The following SLC25A41 variants were observed in gnomAD, a reference collection of about 807,000 sequenced individuals.
SLC25A41 encodes the protein mitochondrial carrier protein SCaMC-3L.
Under a neutral mutation model 34.7 loss-of-function variants are expected in SLC25A41, and 35 were observed. The ratio of observed to expected loss-of-function variants is 1.01; its 90% CI spans 0.77 to 1.34. SLC25A41 has a LOEUF of 1.34. SLC25A41 is among the 40% of genes most tolerant of loss of function. The pLI, the probability that SLC25A41 is intolerant of heterozygous loss-of-function variation, is 0.00. For synonymous variants in SLC25A41, 190 were observed against 209.9 expected (o/e 0.91, Z 0.82); for missense variants, 492 against 489.8 (o/e 1.00, Z -0.04).
chr19:6,433,652 C>T lies in SLC25A41; in HGVS notation c.42G>A (p.Arg14=), dbSNP rs765239168. The T allele has an allele frequency of 1.3e-6, 2 of 1,594,492 alleles. No homozygotes were observed. Among genetic ancestry groups the T allele is most frequent in the Non-Finnish European group, 1.7e-6 (2 of 1,167,116 alleles). ...QPGEPQNTCS[R]IQTLFRRVKT... is the part of the protein sequence containing the mutation. The stretch of plus-strand genomic sequence containing the variant: ...TGACCCTCCTAAACAGTGTCTGGAT[C>T]CTAGAGCAAGTGTTCTGAGGTTCCC... Residue 14 remains arginine (R), a synonymous_variant, in exon 1 of 7, where the codon AGG becomes AGA. Transcript: ENST00000321510.
chr19:6,435,434 T>TGACCATCCCGGCTAAAACGGTGAAACCC (rs2092305395), upstream of SLC25A41, among the ~76,000 whole-genome samples: 1 of 151,418 alleles, frequency 6.6e-6, no homozygotes, highest in African/African-American at 2.4e-5. Context: ...TTAAAAATTA[T>TGACCATCCCGGCTAAAACGGTGAAACCC]TTTTGGCTGG....
chr19:6,427,322 C>T lies in SLC25A41; in HGVS notation c.792+12G>A, dbSNP rs977810974. 1 of 1,605,726 alleles carries T rather than the reference C, an allele frequency of 6.2e-7. No individual in the cohort carries two copies. Among genetic ancestry groups the T allele is most frequent in the Non-Finnish European group, 8.5e-7 (1 of 1,175,006 alleles). On this transcript the variant is annotated intron_variant, in intron 5 of 6. Coordinates refer to ENST00000321510, the MANE Select transcript of SLC25A41 (RefSeq NM_173637.4). This position sits in a 1 kb window ranked among gnomAD's most constrained non-coding sequence, Gnocchi z 4.9. ...CCGGCCAGCCCTGCCACCCCCTCTGCAGGACCCATACCTCATAGACAGCCA... is the reference window on the plus strand; with the variant it reads ...CCGGCCAGCCCTGCCACCCCCTCTGTAGGACCCATACCTCATAGACAGCCA...
At chr19:6,432,588 T>C (rs1280958253) in intron 1 of SLC25A41, among the ~76,000 whole-genome samples, 3 of 148,450 alleles carry the variant, frequency 2.0e-5, no homozygotes, top group Non-Finnish European at 3.0e-5. Flanking sequence ...GGTTTTTTTT[T>C]GTTTTGTTTT....
upstream of SLC25A41, chr19:6,436,042 C>CCAAA (rs752203336): frequency 4.8e-4 from 78 of 161,382 alleles, no homozygotes; most frequent in Non-Finnish European, 5.6e-4. Context: ...AAAACCGAAA[C>CCAAA]CAAACAAACA....
At position 6,427,606 on chromosome 19, in the gene SLC25A41, A is replaced by G; in HGVS notation, c.625-105T>C. ...ACAAACAAGGAAAATGAGGCTCAGG[A>G]AGGCAAAGAGCTGGGTTTCAGACCC... On this transcript the variant is annotated intron_variant, in intron 4 of 6. Transcript: ENST00000321510. This position sits in a 1 kb window ranked among gnomAD's most constrained non-coding sequence, Gnocchi z 4.9. The G allele has an allele frequency of 7.7e-7, 1 of 1,296,694 alleles. No homozygotes were observed. The highest frequency in any genetic ancestry group is 1.0e-6 in the Non-Finnish European group (1 of 982,340). 80.3% of individuals were successfully genotyped at this position (1,296,694 alleles called of 1,614,324 possible).
At chr19:6,432,589 G>A (rs538948067) in intron 1 of SLC25A41, among the ~76,000 whole-genome samples, 17 of 118,988 alleles carry the variant, frequency 1.4e-4, no homozygotes, top group African/African-American at 5.5e-4. Flanking sequence ...GTTTTTTTTT[G>A]TTTTGTTTTT....
chr19:6,433,405 G>C (rs1329908596), intron 1 of SLC25A41, 82 bp downstream of exon 1: 1 of 1,370,428 alleles, frequency 7.3e-7, no homozygotes, highest in Non-Finnish European at 1.0e-6. Flanking sequence ...AGGGGAGTGG[G>C]CCTGTAGAGG....
Position 6,427,505 on chromosome 19 carries a change from A to C in SLC25A41, c.625-4T>G, listed in dbSNP as rs2092249372. ...AGGTCAACCGCGTCTTCAGCACCTG[A>C]GGATGGCGGGGAACAAGGCAGCTCA... On this transcript the variant is annotated splice_polypyrimidine_tract_variant and splice_region_variant and intron_variant, in intron 4 of 6. Coordinates refer to ENST00000321510, the MANE Select transcript of SLC25A41 (RefSeq NM_173637.4). This position sits in a 1 kb window ranked among gnomAD's most constrained non-coding sequence, Gnocchi z 4.9. The C allele has an allele frequency of 6.6e-7, 1 of 1,519,428 alleles. No homozygotes were observed. Among genetic ancestry groups the C allele is most frequent in the Non-Finnish European group, 8.9e-7 (1 of 1,125,978 alleles). The allele number at this position is 1,519,428 out of a possible 1,614,324, so 94.1% of individuals were successfully genotyped here.
In SLC25A41 at chr19:6,427,444, A is replaced by T. The variant is rs1284224066; in HGVS notation, c.682T>A (p.Cys228Ser). The T allele has an allele frequency of 6.2e-7, 1 of 1,604,382 alleles. No homozygotes were observed. Among genetic ancestry groups the T allele is most frequent in the South Asian group, 1.1e-5 (1 of 89,956 alleles). The change falls in exon 5 of 7, where the codon TGC (cysteine) becomes AGC (serine). Residue 228 changes from cysteine (C) to serine (S), a missense_variant. Transcript: ENST00000321510. This position sits in a 1 kb window ranked among gnomAD's most constrained non-coding sequence, Gnocchi z 4.9. ...RTGQYKGLLD[C>S]ARQILQREGT... ...TCTCGCTGCAAGATCTGCCTGGCGCAGTCCAGCAGCCCCTTGTACTGGCCC... is the reference window on the plus strand; with the variant it reads ...TCTCGCTGCAAGATCTGCCTGGCGCTGTCCAGCAGCCCCTTGTACTGGCCC...
intron 1 of SLC25A41, 119 bp from the exon 2 acceptor site, chr19:6,432,323 T>A (rs1297393643): frequency 3.4e-6 from 4 of 1,171,368 alleles, no homozygotes; most frequent in African/African-American, 3.1e-5. Context: ...TCTGCATTTT[T>A]TTTTTTCGAG....
chr19:6,429,854 G>C, intron 3 of SLC25A41, 23 bp from the exon 4 acceptor site: 1 of 1,607,514 alleles, frequency 6.2e-7, no homozygotes, highest in East Asian at 2.2e-5. Flanking sequence ...AGAGGAGGGT[G>C]AGAGAGAAGT....
chr19:6,429,540 G>C (rs1400260737), intron 4 of SLC25A41, among the ~76,000 whole-genome samples, 184 bp downstream of exon 4: 1 of 146,844 alleles, frequency 6.8e-6, no homozygotes, highest in Admixed American at 6.8e-5. Flanking sequence ...GAGGAGGAAA[G>C]AGGAGGAGGG....
At position 6,427,526 on chromosome 19, in the gene SLC25A41, G is replaced by A; in HGVS notation, c.625-25C>T. 1 of 1,476,776 alleles carries A rather than the reference G, an allele frequency of 6.8e-7. No individual in the cohort carries two copies. Among genetic ancestry groups the A allele is most frequent in the South Asian group, 1.4e-5 (1 of 73,104 alleles). 91.5% of individuals were successfully genotyped at this position (1,476,776 alleles called of 1,614,324 possible). A position where few individuals can be genotyped will look rare whatever the true frequency, so the allele number is the denominator to read the frequency against. The stretch of plus-strand genomic sequence containing the variant: ...CCTGAGGATGGCGGGGAACAAGGCA[G>A]CTCATTTGATTGAATCCTGTCAATG... On this transcript the variant is annotated intron_variant, in intron 4 of 6. Transcript: ENST00000321510. The surrounding 1 kb of genome is among the most constrained non-coding windows in gnomAD (Gnocchi z 4.9).
upstream of SLC25A41, chr19:6,433,778 TTG>T (rs1166721705): frequency 9.4e-6 from 11 of 1,176,434 alleles, 1 homozygote; most frequent in African/African-American, 1.4e-4. Flanking sequence ...AGTGGGAGGA[TTG>T]TGTGGGGGAC....
chr19:6,429,782 C>T lies in SLC25A41; in HGVS notation c.566G>A (p.Arg189His), dbSNP rs778686022. Reference sequence around the variant, plus strand: ...CACAGCCAGGGAGCCAGCAAGGAGACGCTCCTGGAAGGGCGGGGACCCTTG... The same window carrying T: ...CACAGCCAGGGAGCCAGCAAGGAGATGCTCCTGGAAGGGCGGGGACCCTTG... ...GIQGSPPFQE[R>H]LLAGSLAVAI... The change falls in exon 4 of 7, where the codon CGT becomes CAT. Residue 189 changes from arginine (R) to histidine (H), a missense_variant. Transcript: ENST00000321510. 22 of 1,610,196 alleles carry T rather than the reference C, an allele frequency of 1.4e-5. No individual in the cohort carries two copies. The highest frequency in any genetic ancestry group is 6.7e-5 in the African/African-American group (5 of 74,586).
intron 2 of SLC25A41, among the ~76,000 whole-genome samples, chr19:6,431,315 C>A (rs545552992): frequency 4.5e-4 from 69 of 151,782 alleles, no homozygotes; most frequent in Non-Finnish European, 7.5e-4. Context: ...GTGGCATGAT[C>A]ATGGCTCACT....
intron 4 of SLC25A41, among the ~76,000 whole-genome samples, chr19:6,428,718 TATA>T (rs1568349109): frequency 5.1e-5 from 7 of 137,854 alleles, no homozygotes; most frequent in Admixed American, 8.1e-5. Context: ...TATATATATA[TATA>T]TTTTTTTTGA....
At chr19:6,429,967 G>T (rs1407502791) in intron 3 of SLC25A41, 42 bp downstream of exon 3, 1 of 1,603,580 alleles carries the variant, frequency 6.2e-7, no homozygotes. Flanking sequence ...CATGGGAGGG[G>T]TTTGGGCTTG....
chr19:6,431,465 A>G (rs1266440089), intron 2 of SLC25A41, among the ~76,000 whole-genome samples: 1 of 144,842 alleles, frequency 6.9e-6, no homozygotes, highest in Non-Finnish European at 1.5e-5. Flanking sequence ...TTTGAGACAG[A>G]GTCTCACTCT....
Sources: gnomAD v4.1 joint callset for allele counts (sites outside exome capture counted in the v4.1 genomes callset) on GRCh38, gnomAD v4.1.1 for gene constraint, Gnocchi (gnomAD v3.1) non-coding constraint, MANE v1.5 for transcripts, NCBI Gene and HGNC (gene_info 2026-07-23, HGNC 2026-07-21) for gene names.